The following CAST variants were observed in gnomAD, a reference collection of about 807,000 sequenced individuals.
The protein encoded by CAST is calpastatin.
Under a neutral mutation model 119.6 loss-of-function variants are expected in CAST, and 76 were observed. The ratio of observed to expected loss-of-function variants is 0.64; its 90% CI spans 0.53 to 0.77. The LOEUF (loss-of-function observed/expected upper bound fraction) is 0.77. CAST is among the 30% of genes least tolerant of loss of function. CAST has a pLI of 0.00. For missense variants in CAST, 953 were observed against 946.5 expected, an observed-to-expected ratio of 1.01 and a Z score of -0.09; for synonymous variants, 319 against 331.6, an observed-to-expected ratio of 0.96 and a Z score of 0.41.
In CAST at chr5:96,770,516, T is replaced by C. The variant is rs1771899346; in HGVS notation, c.2269-15T>C. The C allele has an allele frequency of 1.3e-6, 2 of 1,594,778 alleles. No homozygotes were observed. The highest frequency in any genetic ancestry group is 1.7e-6 in the Non-Finnish European group (2 of 1,162,722). ...TGGTGATAGCCATAGCCTCATTACA[T>C]TTCCTTTGCTTTAGGATAAGTGCAA... On this transcript the variant is annotated splice_polypyrimidine_tract_variant and intron_variant, in intron 29 of 31. Transcript: ENST00000675179.
At chr5:96,130,288 G>A in the CAST span, among the ~76,000 whole-genome samples, 1 of 151,754 alleles carries the variant, frequency 6.6e-6, no homozygotes, top group Non-Finnish European at 1.5e-5. Context: ...CCCAATTTAC[G>A]GATATTCTAC....
At chr5:96,699,715 G>A (rs1402289576) in intron 3 of CAST, among the ~76,000 whole-genome samples, 2 of 152,220 alleles carry the variant, frequency 1.3e-5, no homozygotes, top group African/African-American at 2.4e-5. Context: ...ATCTGGGGGT[G>A]TGAGTCTTCT....
Position 96,741,535 on chromosome 5 carries a change from C to G in CAST, c.1053C>G (p.Val351=), listed in dbSNP as rs764586392. The part of the protein sequence containing the change: ...EVLKAQSAGT[V]RSAAPPQEKK... ...TAAAAGCTCAGTCAGCAGGGACAGTCAGAAGTGCTGCTCCACCCCAAGAGA... is the reference window on the plus strand; with the variant it reads ...TAAAAGCTCAGTCAGCAGGGACAGTGAGAAGTGCTGCTCCACCCCAAGAGA... Residue 351 remains valine, a synonymous_variant, in exon 15 of 32, where the codon GTC becomes GTG. Coordinates refer to ENST00000675179, the MANE Select transcript of CAST (RefSeq NM_001750.7). 10 of 1,613,590 alleles carry G rather than the reference C, an allele frequency of 6.2e-6. No individual in the cohort carries two copies. Among genetic ancestry groups the G allele is most frequent in the African/African-American group, 1.3e-5 (1 of 74,922 alleles).
the CAST span, among the ~76,000 whole-genome samples, chr5:96,245,767 T>A: frequency 6.6e-6 from 1 of 152,280 alleles, no homozygotes; most frequent in East Asian, 1.9e-4. Context: ...AAAGACTTGG[T>A]CTATGTGAGA....
the CAST span, among the ~76,000 whole-genome samples, chr5:95,975,443 G>A: frequency 1.3e-5 from 2 of 152,052 alleles, no homozygotes; most frequent in Admixed American, 6.5e-5. Flanking sequence ...CACTCTGTTT[G>A]GCACCCTGAC....
At chr5:95,978,323 T>C in the CAST span, among the ~76,000 whole-genome samples, 1 of 152,226 alleles carries the variant, frequency 6.6e-6, no homozygotes, top group African/African-American at 2.4e-5. Flanking sequence ...ATGTTTTGAC[T>C]TTTTAATTAT....
At chr5:96,651,291 C>T (rs1388779357) in intron 1 of CAST, among the ~76,000 whole-genome samples, 1 of 152,178 alleles carries the variant, frequency 6.6e-6, no homozygotes, top group Admixed American at 6.5e-5. Flanking sequence ...AGAGGATGAA[C>T]CTTCAGCCTC....
the CAST span, among the ~76,000 whole-genome samples, chr5:96,427,320 A>G: frequency 7.2e-5 from 11 of 152,240 alleles, no homozygotes; most frequent in Non-Finnish European, 2.9e-5. Context: ...AGAATCATGT[A>G]TTAATCTCTA....
At chr5:96,765,422 C>G in intron 26 of CAST, 97 bp downstream of exon 26, 1 of 639,286 alleles carries the variant, frequency 1.6e-6, no homozygotes, top group South Asian at 2.0e-5. Flanking sequence ...TTGATGTGAA[C>G]TTAACCTATA....
chr5:96,352,141 T>C, the CAST span, among the ~76,000 whole-genome samples: 1 of 152,170 alleles, frequency 6.6e-6, no homozygotes, highest in Non-Finnish European at 1.5e-5. Flanking sequence ...GAAGAGCCTT[T>C]CTCCAAGGTG....
intron 1 of CAST, among the ~76,000 whole-genome samples, chr5:96,534,835 A>G (rs1745771269): frequency 5.6e-5 from 8 of 143,570 alleles, no homozygotes; most frequent in Middle Eastern, 3.5e-3. Context: ...GAAAGAAGGA[A>G]AGAAGGAAGG....
the CAST span, among the ~76,000 whole-genome samples, chr5:96,144,672 A>AT: frequency 5.2e-3 from 732 of 141,228 alleles, 2 homozygotes; most frequent in Non-Finnish European, 6.8e-3. Flanking sequence ...CCCAGACACC[A>AT]TTTTTTTTTT....
the CAST span, among the ~76,000 whole-genome samples, chr5:96,112,773 C>G: frequency 6.6e-6 from 1 of 152,130 alleles, no homozygotes; most frequent in African/African-American, 2.4e-5. Flanking sequence ...GTGCTCAGAA[C>G]ATTTATGTTA....
At chr5:96,449,158 C>T in the CAST span, among the ~76,000 whole-genome samples, 1 of 152,288 alleles carries the variant, frequency 6.6e-6, no homozygotes, top group East Asian at 1.9e-4. Context: ...CTCTGCTTAA[C>T]CACCAATGCA....
At chr5:96,666,911 T>C (rs1461578104) in intron 1 of CAST, among the ~76,000 whole-genome samples, 1 of 151,768 alleles carries the variant, frequency 6.6e-6, no homozygotes, top group African/African-American at 2.4e-5. Context: ...AAAACTACTC[T>C]AAGTAGTACA....
At chr5:96,727,086 C>T (rs548219371) in intron 5 of CAST, among the ~76,000 whole-genome samples, 1 of 152,314 alleles carries the variant, frequency 6.6e-6, no homozygotes, top group Admixed American at 6.5e-5. Context: ...CACTGTCAGC[C>T]AAAACCCGTG....
chr5:96,223,930 G>A, the CAST span, among the ~76,000 whole-genome samples: 10 of 152,152 alleles, frequency 6.6e-5, no homozygotes, highest in Admixed American at 2.6e-4. Flanking sequence ...ATATGACCAT[G>A]CACTGATATT....
At chr5:95,987,000 G>GTGT in the CAST span, among the ~76,000 whole-genome samples, 227 of 152,280 alleles carry the variant, frequency 1.5e-3, no homozygotes, top group African/African-American at 5.2e-3. Context: ...GGACAGCTGA[G>GTGT]TGTTCCCACC....
the CAST span, among the ~76,000 whole-genome samples, chr5:96,058,054 A>T: frequency 7.2e-5 from 11 of 151,770 alleles, no homozygotes; most frequent in African/African-American, 2.7e-4. Context: ...TATTTAAAAT[A>T]TGTGTGTGTG....
Sources: gnomAD v4.1 joint callset for allele counts (sites outside exome capture counted in the v4.1 genomes callset) on GRCh38, gnomAD v4.1.1 for gene constraint, MANE v1.5 for transcripts, NCBI Gene and HGNC (gene_info 2026-07-23, HGNC 2026-07-21) for gene names.